Variants in PLPP4 observed in about 807,000 individuals in gnomAD.
The protein encoded by PLPP4 is diacylglycerol pyrophosphate like 2.
PLPP4 carries 20 observed loss-of-function variants against 32.2 expected under a neutral mutation model. The ratio of observed to expected loss-of-function variants is 0.62; its 90% CI spans 0.44 to 0.90. The LOEUF (loss-of-function observed/expected upper bound fraction) is 0.90. Among genes scored for constraint, PLPP4 ranks in the 40% least tolerant of loss-of-function variants. The pLI is 0.00. For missense variants in PLPP4, 257 were observed against 353.1 expected (o/e 0.73, Z 2.18); for synonymous variants, 127 against 133.0 (o/e 0.95, Z 0.31).
chr10:120,466,835 C>T (rs1484200505), intron 1 of PLPP4, among the ~76,000 whole-genome samples: 1 of 152,118 alleles, frequency 6.6e-6, no homozygotes, highest in African/African-American at 2.4e-5. Flanking sequence ...ACAAAGATGG[C>T]ATGTGTTAGG....
At chr10:120,518,765 AATG>A in intron 3 of PLPP4, 65 bp from the exon 4 acceptor site, 32 of 1,183,938 alleles carry the variant, frequency 2.7e-5, no homozygotes, top group Admixed American at 5.2e-5. Flanking sequence ...TGATGATGAT[AATG>A]ATGATGATGA....
At chr10:120,571,589 C>T (rs934844707) in intron 5 of PLPP4, among the ~76,000 whole-genome samples, 1 of 152,080 alleles carries the variant, frequency 6.6e-6, no homozygotes, top group Non-Finnish European at 1.5e-5. Flanking sequence ...TTTTTTCCTC[C>T]CAGTTGAACT....
intron 5 of PLPP4, among the ~76,000 whole-genome samples, chr10:120,543,232 A>AG (rs1192293110): frequency 6.6e-6 from 1 of 152,216 alleles, no homozygotes; most frequent in Non-Finnish European, 1.5e-5. Context: ...TCTTTAGCAC[A>AG]GGCACCTTTT....
At chr10:120,497,280 T>C (rs749404209) in intron 1 of PLPP4, among the ~76,000 whole-genome samples, 1 of 152,204 alleles carries the variant, frequency 6.6e-6, no homozygotes, top group East Asian at 1.9e-4. Context: ...TTTAGTTTTC[T>C]TCCTGCTTTT....
chr10:120,457,679 C>A (rs1478865626), intron 1 of PLPP4, among the ~76,000 whole-genome samples: 2 of 152,184 alleles, frequency 1.3e-5, no homozygotes, highest in Non-Finnish European at 2.9e-5. Flanking sequence ...AACAGGGACG[C>A]GCACCCTGGC....
At chr10:120,563,806 CAAAAAAAAAAAAAAAAA>C (rs139746974) in intron 5 of PLPP4, among the ~76,000 whole-genome samples, 4 of 86,484 alleles carry the variant, frequency 4.6e-5, no homozygotes, top group East Asian at 3.7e-4. Context: ...GACTCCGTCT[CAAAAAAAAAAAAAAAAA>C]AAAAAAAAAA....
intron 5 of PLPP4, among the ~76,000 whole-genome samples, chr10:120,569,539 A>C (rs1284373418): frequency 5.3e-5 from 8 of 152,084 alleles, no homozygotes; most frequent in Non-Finnish European, 1.0e-4. Context: ...ACTAATTAGG[A>C]GTTTTGGAGT....
Position 120,581,165 on chromosome 10 carries a change from C to T in PLPP4, c.616+5864C>T, listed in dbSNP as rs1347280219. On this transcript the variant is annotated intron_variant, in intron 6 of 6. Transcript: ENST00000398250. The stretch of plus-strand genomic sequence containing the variant: ...GCCTCCAGGATAGCCCTGGTGTTTC[C>T]CCGTGATGTAATTCCCAGGGAAGAT... The T allele has an allele frequency of 5.1e-6, 5 of 985,274 alleles. No homozygotes were observed. In the East Asian group the frequency reaches 4.5e-4, roughly 89 times the overall value. 61.0% of individuals were successfully genotyped at this position (985,274 alleles called of 1,614,324 possible).
intron 5 of PLPP4, among the ~76,000 whole-genome samples, chr10:120,534,392 C>T (rs1025117393): frequency 3.3e-5 from 5 of 152,000 alleles, no homozygotes; most frequent in African/African-American, 1.2e-4. Flanking sequence ...TGGCATTCCT[C>T]ATTTTTATTG....
chr10:120,554,947 G>A (rs1287144876), intron 5 of PLPP4, among the ~76,000 whole-genome samples: 2 of 151,998 alleles, frequency 1.3e-5, no homozygotes, highest in East Asian at 1.9e-4. Flanking sequence ...CCCTGCATAC[G>A]TCCAGCAACC....
At chr10:120,541,341 G>C (rs958131252) in intron 5 of PLPP4, among the ~76,000 whole-genome samples, 1 of 152,192 alleles carries the variant, frequency 6.6e-6, no homozygotes, top group Non-Finnish European at 1.5e-5. Context: ...GGATAATGCA[G>C]TGCCATTCCC....
At chr10:120,458,019 G>C (rs946450226) in intron 1 of PLPP4, among the ~76,000 whole-genome samples, 30 of 152,346 alleles carry the variant, frequency 2.0e-4, no homozygotes, top group African/African-American at 5.8e-4. Context: ...GCCCAGGGTG[G>C]CTTTGAGCGG....
At chr10:120,474,059 C>T (rs1032496863) in intron 1 of PLPP4, among the ~76,000 whole-genome samples, 18 of 151,656 alleles carry the variant, frequency 1.2e-4, no homozygotes, top group African/African-American at 4.4e-4. Context: ...TTATTTTTTT[C>T]TCTTCTGCTT....
chr10:120,482,807 G>C (rs111559836), intron 1 of PLPP4, among the ~76,000 whole-genome samples: 5 of 152,074 alleles, frequency 3.3e-5, no homozygotes, highest in African/African-American at 1.2e-4. Context: ...AGCTACTTGG[G>C]AGGCTGAGGC....
At chr10:120,541,998 A>C (rs1324953578) in intron 5 of PLPP4, among the ~76,000 whole-genome samples, 2 of 152,142 alleles carry the variant, frequency 1.3e-5, no homozygotes, top group Admixed American at 1.3e-4. Context: ...GGCTGGTCTC[A>C]AACTCCTGAC....
At chr10:120,563,373 C>A (rs142625034) in intron 5 of PLPP4, among the ~76,000 whole-genome samples, 3,073 of 152,066 alleles carry the variant, frequency 0.02, 43 homozygotes, top group South Asian at 0.032. Context: ...AATAAATATC[C>A]CCTCATTTTT....
At chr10:120,479,279 T>C (rs1034603760) in intron 1 of PLPP4, among the ~76,000 whole-genome samples, 5 of 152,230 alleles carry the variant, frequency 3.3e-5, no homozygotes, top group Admixed American at 3.3e-4. Flanking sequence ...TCCCCCCTAC[T>C]GCCACCAGTT....
chr10:120,457,807 G>A (rs1341806542), intron 1 of PLPP4, among the ~76,000 whole-genome samples: 1 of 152,018 alleles, frequency 6.6e-6, no homozygotes, highest in Admixed American at 6.5e-5. Context: ...CTCCTTCCGT[G>A]TCCCTGGCTT....
chr10:120,577,627 A>G (rs1158203364), intron 6 of PLPP4, among the ~76,000 whole-genome samples: 1 of 152,204 alleles, frequency 6.6e-6, no homozygotes, highest in African/African-American at 2.4e-5. Context: ...AAGAGAATTT[A>G]TGTTCAGTGA....
Sources: gnomAD v4.1 joint callset for allele counts (sites outside exome capture counted in the v4.1 genomes callset) on GRCh38, gnomAD v4.1.1 for gene constraint, MANE v1.5 for transcripts, NCBI Gene and HGNC (gene_info 2026-07-23, HGNC 2026-07-21) for gene names.